Variants in SLC51A observed in about 807,000 individuals in gnomAD.
The protein encoded by SLC51A is solute carrier family 51 member A.
Under a neutral mutation model 34.8 loss-of-function variants are expected in SLC51A, and 22 were observed. The observed-to-expected ratio is 0.63, with a 90% CI of 0.45 to 0.90. The LOEUF is 0.90. Ranked by LOEUF, SLC51A falls within the 40% of genes least tolerant of loss-of-function variation. SLC51A has a pLI of 0.00. For missense variants in SLC51A, 371 were observed against 414.8 expected (o/e 0.89, Z 0.92); for synonymous variants, 181 against 176.3 (o/e 1.03, Z -0.21).
rs774232869 is a variant in SLC51A, at chr3:196,216,745, C to T, written c.33C>T (p.Asp11=). Residue 11 remains aspartate (D), a synonymous_variant, in exon 1 of 9, where the codon GAC becomes GAT. Transcript: ENST00000296327. The surrounding 1 kb of genome is among the most constrained non-coding windows in gnomAD (Gnocchi z 4.5). Reference sequence around the variant, plus strand: ...CGGGCAGGACCCAGATAAAGCTTGACCCCAGGTAAGTGAGGGCGGCGGGCC... The same window carrying T: ...CGGGCAGGACCCAGATAAAGCTTGATCCCAGGTAAGTGAGGGCGGCGGGCC... MEPGRTQIKL[D]PRYTADLLEV... is the part of the protein sequence containing the mutation. 1 of 1,577,512 alleles carries T rather than the reference C, an allele frequency of 6.3e-7. No individual in the cohort carries two copies. Among genetic ancestry groups the T allele is most frequent in the Non-Finnish European group, 8.6e-7 (1 of 1,161,468 alleles).
intron 2 of SLC51A, among the ~76,000 whole-genome samples, chr3:196,225,568 G>A (rs187112469): frequency 2.0e-5 from 3 of 152,306 alleles, no homozygotes; most frequent in Admixed American, 2.0e-4. Flanking sequence ...TAGTCAGGTA[G>A]CAGGTGCAAA....
intron 1 of SLC51A, 144 bp from the exon 2 acceptor site, chr3:196,217,698 G>A (rs1723630827): frequency 1.7e-6 from 1 of 601,408 alleles, no homozygotes; most frequent in East Asian, 2.8e-5. Context: ...AGGAAGGAAG[G>A]AAGGAAAGAA....
intron 1 of SLC51A, among the ~76,000 whole-genome samples, chr3:196,217,294 G>C (rs1215080653): frequency 6.6e-6 from 1 of 152,226 alleles, no homozygotes; most frequent in Admixed American, 6.5e-5. Context: ...CGGGAGTCCA[G>C]GAGTTTAAGC....
chr3:196,219,358 G>T (rs886574270), intron 2 of SLC51A, among the ~76,000 whole-genome samples: 3 of 152,196 alleles, frequency 2.0e-5, no homozygotes, highest in African/African-American at 7.2e-5. Context: ...TGTGACTCAC[G>T]CCTGCGTTTT....
chr3:196,223,165 C>T (rs1723805686), intron 2 of SLC51A, among the ~76,000 whole-genome samples: 1 of 151,832 alleles, frequency 6.6e-6, no homozygotes, highest in African/African-American at 2.4e-5. Flanking sequence ...CCTTCACTTC[C>T]AGGCTGTGTG....
chr3:196,224,932 A>G (rs928239194), intron 2 of SLC51A, among the ~76,000 whole-genome samples: 3 of 152,152 alleles, frequency 2.0e-5, no homozygotes, highest in Non-Finnish European at 4.4e-5. Context: ...AAAAGATAGA[A>G]AAAAGTAAGT....
At chr3:196,223,768 G>T in intron 2 of SLC51A, 1 of 264,118 alleles carries the variant, frequency 3.8e-6, no homozygotes, top group Non-Finnish European at 7.2e-6. Context: ...AGAAAATACA[G>T]AACAGTAAAA....
At chr3:196,227,370 TC>T in intron 3 of SLC51A, 1 of 592,222 alleles carries the variant, frequency 1.7e-6, no homozygotes, top group South Asian at 2.0e-5. Context: ...TCATCCTTGC[TC>T]CCCGCTACAG....
At chr3:196,220,051 G>A (rs537048041) in intron 2 of SLC51A, among the ~76,000 whole-genome samples, 2 of 152,364 alleles carry the variant, frequency 1.3e-5, no homozygotes, top group East Asian at 1.9e-4. Context: ...GGATGAGTTC[G>A]GGGACGCCCC....
At chr3:196,217,244 G>GT (rs1473499713) in intron 1 of SLC51A, among the ~76,000 whole-genome samples, 9 of 152,234 alleles carry the variant, frequency 5.9e-5, no homozygotes. Flanking sequence ...AGGGCCCTGA[G>GT]GCCGGGCGCC....
rs1244209095 is a variant in SLC51A at position 196,228,315 on chromosome 3, C to G, written c.521+42C>G. 6.3e-7 allele frequency: 1 copy of G among 1,581,526 alleles called. No homozygotes were observed. Among genetic ancestry groups the G allele is most frequent in the South Asian group, 1.1e-5 (1 of 87,446 alleles). On this transcript the variant is annotated intron_variant, in intron 5 of 8. Transcript: ENST00000296327. This position sits in a 1 kb window ranked among gnomAD's most constrained non-coding sequence, Gnocchi z 4.9. Reference sequence around the variant, plus strand: ...GTGCCTTCCCCAGGAGCCGGGGAGCCTCTCCTGGACCCCTGGTCCCCTTCA... The same window carrying G: ...GTGCCTTCCCCAGGAGCCGGGGAGCGTCTCCTGGACCCCTGGTCCCCTTCA...
intron 3 of SLC51A, 137 bp from the exon 4 acceptor site, chr3:196,227,527 G>A (rs1723927509): frequency 2.7e-6 from 2 of 735,754 alleles, no homozygotes; most frequent in East Asian, 2.6e-5. Flanking sequence ...CTTAATTAGT[G>A]CTTTTTCCAG....
chr3:196,230,947 C>T (rs1204380612), intron 7 of SLC51A, among the ~76,000 whole-genome samples: 1 of 152,208 alleles, frequency 6.6e-6, no homozygotes, highest in Non-Finnish European at 1.5e-5. Flanking sequence ...CACAATTTAA[C>T]CTGTAACACG....
At chr3:196,223,276 A>G (rs1002043954) in intron 2 of SLC51A, among the ~76,000 whole-genome samples, 1 of 151,934 alleles carries the variant, frequency 6.6e-6, no homozygotes, top group South Asian at 2.1e-4. Context: ...CTTTCATTCA[A>G]CAAATAGTTA....
rs1723997077 is a variant in SLC51A, at chr3:196,230,037, G to A, written c.756G>A (p.Met252Ile). The A allele has an allele frequency of 6.2e-7, 1 of 1,613,044 alleles. No individual in the cohort carries two copies. Among genetic ancestry groups the A allele is most frequent in the Non-Finnish European group, 8.5e-7 (1 of 1,179,588 alleles). ...GGCTACACCTGGGTGAGCAGAACAT[G>A]GGAGCCAAATTTGCTCTGTTCCAGG... ...QARLHLGEQN[M>I]GAKFALFQVL... The change falls in exon 7 of 9, where the codon ATG becomes ATA. Residue 252 changes from methionine to isoleucine, a missense_variant. By Grantham distance (10) the Met-to-Ile change is conservative (BLOSUM62 1). Transcript: ENST00000296327.
rs145574257 is a variant in SLC51A at position 196,231,354 on chromosome 3, A to G, written c.781-1065A>G. Among the ~76,000 whole-genome samples the G allele has an allele frequency of 5.0e-3, 762 of 152,208 alleles. 3 individuals carry two copies. The highest frequency in any genetic ancestry group is 8.6e-3 in the Non-Finnish European group (585 of 68,012). ...TCTACGTGCTGCCTTCTCTAACCTCAAAGATGACTTTTCCACCAAATGCAA... is the reference window on the plus strand; with the variant it reads ...TCTACGTGCTGCCTTCTCTAACCTCGAAGATGACTTTTCCACCAAATGCAA... On this transcript the variant is annotated intron_variant, in intron 7 of 8. Coordinates refer to ENST00000296327, the MANE Select transcript of SLC51A (RefSeq NM_152672.6).
intron 2 of SLC51A, among the ~76,000 whole-genome samples, chr3:196,220,326 G>A (rs1012637470): frequency 2.0e-5 from 3 of 152,246 alleles, no homozygotes; most frequent in Non-Finnish European, 4.4e-5. Flanking sequence ...GCCGGACACC[G>A]TGGCTCATGC....
chr3:196,217,563 AAAAG>A (rs747122480), intron 1 of SLC51A, among the ~76,000 whole-genome samples: 5 of 138,562 alleles, frequency 3.6e-5, no homozygotes, highest in African/African-American at 1.3e-4. Flanking sequence ...AAAAGAAAGA[AAAAG>A]GAAGGAAGGA....
At chr3:196,230,510 A>ATTT (rs372727578) in intron 7 of SLC51A, among the ~76,000 whole-genome samples, 1 of 135,072 alleles carries the variant, frequency 7.4e-6, no homozygotes, top group Non-Finnish European at 1.6e-5. Flanking sequence ...TGTGTCTTCT[A>ATTT]TTTTTTTTTT....
Sources: allele counts gnomAD v4.1 joint callset (sites outside exome capture counted in the v4.1 genomes callset), GRCh38; gene constraint gnomAD v4.1.1; non-coding constraint Gnocchi (gnomAD v3.1); transcripts MANE v1.5; gene names NCBI Gene and HGNC (gene_info 2026-07-23, HGNC 2026-07-21).